Variants in DLGAP2 observed in about 807,000 individuals in gnomAD.
DLGAP2 encodes DLG associated protein 2, also known as disks large-associated protein 2.
DLGAP2 carries 26 observed loss-of-function variants against 100.3 expected under a neutral mutation model. That is an observed-to-expected ratio of 0.26 (90% CI 0.19 to 0.36). The LOEUF is 0.36. DLGAP2 is among the 10% of genes least tolerant of loss of function. The pLI, the probability that DLGAP2 is intolerant of heterozygous loss-of-function variation, is 1.00. For synonymous variants in DLGAP2, 886 were observed against 630.1 expected (o/e 1.41, Z -6.08); for missense variants, 1,858 against 1,453.2 (o/e 1.28, Z -4.53).
chr8:1,107,515 A>T (rs575116767), intron 2 of DLGAP2, among the ~76,000 whole-genome samples: 3 of 152,160 alleles, frequency 2.0e-5, no homozygotes, highest in African/African-American at 7.2e-5. Context: ...TCACAGGGAG[A>T]GCCAGGGCCC....
At chr8:922,498 G>A (rs1348143189) in intron 2 of DLGAP2, among the ~76,000 whole-genome samples, 1 of 152,208 alleles carries the variant, frequency 6.6e-6, no homozygotes, top group African/African-American at 2.4e-5. Flanking sequence ...TTAAAACTAT[G>A]ACTTACTTCA....
intron 3 of DLGAP2, among the ~76,000 whole-genome samples, chr8:1,499,290 G>C (rs1799638871): frequency 6.6e-6 from 1 of 152,196 alleles, no homozygotes; most frequent in Non-Finnish European, 1.5e-5. Flanking sequence ...GGTGATGTTG[G>C]CCCATCCTTC....
chr8:1,307,698 G>C (rs1230532990), intron 3 of DLGAP2, among the ~76,000 whole-genome samples: 3 of 152,202 alleles, frequency 2.0e-5, no homozygotes, highest in African/African-American at 4.8e-5. Context: ...AAAAAGAAAT[G>C]AGATGCTGAC....
chr8:1,025,169 T>C (rs12546702), intron 2 of DLGAP2, among the ~76,000 whole-genome samples: 60,326 of 152,024 alleles, frequency 0.4, 12,194 homozygotes, highest in Admixed American at 0.51. Flanking sequence ...CGTGTGTGTG[T>C]CTTAATTAGT....
At chr8:1,136,033 C>G (rs1311758329) in intron 2 of DLGAP2, among the ~76,000 whole-genome samples, 1 of 152,232 alleles carries the variant, frequency 6.6e-6, no homozygotes, top group Non-Finnish European at 1.5e-5. Context: ...AGCTCATTCT[C>G]TTCCTGTGCT....
intron 3 of DLGAP2, among the ~76,000 whole-genome samples, chr8:1,355,772 G>A (rs1232415436): frequency 6.6e-6 from 1 of 152,124 alleles, no homozygotes; most frequent in African/African-American, 2.4e-5. Context: ...CCCCACAGCT[G>A]TGTGGCTCCC....
At chr8:1,343,765 A>T (rs1801475080) in intron 3 of DLGAP2, among the ~76,000 whole-genome samples, 1 of 150,194 alleles carries the variant, frequency 6.7e-6, no homozygotes, top group Admixed American at 6.6e-5. Context: ...CCTCTCCAAG[A>T]GGCGGGGGCA....
intron 2 of DLGAP2, among the ~76,000 whole-genome samples, chr8:1,093,564 C>T (rs1002409447): frequency 3.9e-5 from 6 of 152,214 alleles, no homozygotes; most frequent in Middle Eastern, 6.8e-3. Flanking sequence ...AACACCCTCA[C>T]ACCGACAGCC....
intron 12 of DLGAP2, among the ~76,000 whole-genome samples, chr8:1,690,230 C>T (rs992794036): frequency 1.3e-5 from 2 of 151,874 alleles, no homozygotes; most frequent in Non-Finnish European, 1.5e-5. Context: ...GTGGCATGCA[C>T]CTGTAATCCC....
intron 3 of DLGAP2, among the ~76,000 whole-genome samples, chr8:1,340,537 C>T (rs773221863): frequency 5.3e-5 from 8 of 152,204 alleles, no homozygotes; most frequent in Non-Finnish European, 7.3e-5. Context: ...GATGCCGTCT[C>T]ACAGCAGTCA....
At chr8:1,529,611 CA>C (rs1210230857) in intron 4 of DLGAP2, among the ~76,000 whole-genome samples, 1 of 152,086 alleles carries the variant, frequency 6.6e-6, no homozygotes, top group African/African-American at 2.4e-5. Context: ...CTCGAGTTGC[CA>C]AAAATTCCAG....
intron 3 of DLGAP2, among the ~76,000 whole-genome samples, chr8:1,382,130 A>C (rs10101850): frequency 0.12 from 18,728 of 152,246 alleles, 1,690 homozygotes; most frequent in East Asian, 0.23. Context: ...CCAGAAGCCT[A>C]AGCAATAATA....
At chr8:1,646,857 TG>T (rs1798051025) in intron 8 of DLGAP2, among the ~76,000 whole-genome samples, 1 of 152,150 alleles carries the variant, frequency 6.6e-6, no homozygotes, top group African/African-American at 2.4e-5. Context: ...CAGGTGGGCT[TG>T]GAAAGCCAGC....
intron 3 of DLGAP2, among the ~76,000 whole-genome samples, chr8:1,328,273 C>G (rs1317112159): frequency 6.6e-6 from 1 of 151,818 alleles, no homozygotes; most frequent in Non-Finnish European, 1.5e-5. Flanking sequence ...AACTCCTGAC[C>G]TCGTGATCCA....
chr8:970,139 G>C (rs1799977788), intron 2 of DLGAP2, among the ~76,000 whole-genome samples: 1 of 152,098 alleles, frequency 6.6e-6, no homozygotes, highest in South Asian at 2.1e-4. Context: ...TTTTGGAGCT[G>C]CAGTCATTTG....
chr8:1,041,952 G>A lies in DLGAP2; in HGVS notation c.73+133986G>A, dbSNP rs996284330. 2.6e-5 allele frequency among the ~76,000 whole-genome samples: 4 copies of A among 152,144 alleles called. 1 individual carries two copies. Among genetic ancestry groups the A allele is most frequent in the Admixed American group, 2.0e-4 (3 of 15,268 alleles). On this transcript the variant is annotated intron_variant, in intron 2 of 14. Coordinates refer to ENST00000637795, the MANE Select transcript of DLGAP2 (RefSeq NM_001346810.2). The stretch of plus-strand genomic sequence containing the variant: ...TGGAGTGAGCTCTCTCTTTCTCCCC[G>A]GCTGTTTCAGGAGCCTGCGGGGATT...
chr8:970,394 C>T lies in DLGAP2; in HGVS notation c.73+62428C>T, dbSNP rs146180595. Among the ~76,000 whole-genome samples the T allele has an allele frequency of 1.4e-3, 211 of 152,280 alleles. 1 individual carries two copies. Among genetic ancestry groups the T allele is most frequent in the African/African-American group, 5.0e-3 (207 of 41,564 alleles). On this transcript the variant is annotated intron_variant, in intron 2 of 14. Coordinates refer to ENST00000637795, the MANE Select transcript of DLGAP2 (RefSeq NM_001346810.2). ...GCAAACCTACAAAGACACATATACA[C>T]ATTTTTCTCCAGAGAGGTGGCTGAT...
chr8:898,362 C>T (rs1023180283), intron 1 of DLGAP2, among the ~76,000 whole-genome samples: 9 of 152,318 alleles, frequency 5.9e-5, no homozygotes, highest in Non-Finnish European at 4.4e-5. Flanking sequence ...CGCATCTCCT[C>T]GGGCTGAAGT....
chr8:1,430,018 A>G (rs1311949339), intron 3 of DLGAP2, among the ~76,000 whole-genome samples: 1 of 93,180 alleles, frequency 1.1e-5, no homozygotes, highest in Admixed American at 1.2e-4. Context: ...ATATATATAT[A>G]TATATATATA....
Sources: allele counts gnomAD v4.1 joint callset (sites outside exome capture counted in the v4.1 genomes callset), GRCh38; gene constraint gnomAD v4.1.1; transcripts MANE v1.5; gene names NCBI Gene and HGNC (gene_info 2026-07-23, HGNC 2026-07-21).